Variants in RBM6 observed in about 807,000 individuals in gnomAD.
RBM6 encodes the protein RNA-binding protein 6.
A neutral mutation model predicts 140.4 loss-of-function variants in RBM6; 23 were observed. That is an observed-to-expected ratio of 0.16 (90% CI 0.12 to 0.23). The LOEUF is 0.23. Among genes scored for constraint, RBM6 ranks in the 10% least tolerant of loss-of-function variants. The pLI, the probability that RBM6 is intolerant of heterozygous loss-of-function variation, is 1.00. For synonymous variants in RBM6, 439 were observed against 475.6 expected (o/e 0.92, Z 1.00); for missense variants, 1,139 against 1,386.7 (o/e 0.82, Z 2.84).
At chr3:50,063,381 T>A (rs1001875537) in intron 15 of RBM6, among the ~76,000 whole-genome samples, 1 of 149,616 alleles carries the variant, frequency 6.7e-6, no homozygotes, top group Admixed American at 6.7e-5. Flanking sequence ...CCAAGACAGG[T>A]GGATGCCTGA....
Position 49,967,627 on chromosome 3 carries a change from G to A in RBM6, c.202G>A (p.Val68Ile). 6.2e-7 allele frequency: 1 copy of A among 1,614,128 alleles called. No homozygotes were observed. The highest frequency in any genetic ancestry group is 1.6e-4 in the Middle Eastern group (1 of 6,062). Residue 68 changes from valine to isoleucine, a missense_variant, in exon 3 of 21, where the codon GTA becomes ATA. Physicochemically the swap from Val to Ile is conservative, Grantham distance 29 (BLOSUM62 3). Transcript: ENST00000266022. The surrounding 1 kb of genome is among the most constrained non-coding windows in gnomAD (Gnocchi z 4.0). ...GCATTCGGGGCCTCCTTTTGCAAAT[G>A]TAGAGGAGCATTCTTTCAGCTATGG... The part of the protein sequence containing the change: ...QGHSGPPFAN[V>I]EEHSFSYGAR...
chr3:49,964,296 T>C (rs1047320196), intron 2 of RBM6, among the ~76,000 whole-genome samples: 4 of 152,146 alleles, frequency 2.6e-5, no homozygotes, highest in Non-Finnish European at 5.9e-5. Context: ...AATGAAAAAT[T>C]TAGGTGGAGA....
At chr3:49,982,221 T>C (rs2085334790) in intron 5 of RBM6, among the ~76,000 whole-genome samples, 1 of 151,686 alleles carries the variant, frequency 6.6e-6, no homozygotes, top group East Asian at 1.9e-4. Flanking sequence ...GAAAGTGACG[T>C]TGTAGCAAAG....
At chr3:50,065,212 C>G (rs1255854657) in intron 16 of RBM6, 86 bp downstream of exon 16, 2 of 980,372 alleles carry the variant, frequency 2.0e-6, no homozygotes, top group Non-Finnish European at 3.1e-6. Context: ...CTGATGCCTT[C>G]CTCTGGTGTT....
chr3:49,991,596 A>G (rs1217593913), intron 5 of RBM6, among the ~76,000 whole-genome samples: 1 of 152,166 alleles, frequency 6.6e-6, no homozygotes, highest in East Asian at 1.9e-4. Context: ...GGACAGACCA[A>G]GTATCTTTCT....
At chr3:50,017,663 C>G in intron 6 of RBM6, among the ~76,000 whole-genome samples, 1 of 151,850 alleles carries the variant, frequency 6.6e-6, no homozygotes, top group Admixed American at 6.6e-5. Context: ...GTTCTTTGTA[C>G]ATTTTGGATA....
At chr3:50,031,677 T>C (rs2088174611) in intron 6 of RBM6, among the ~76,000 whole-genome samples, 1 of 152,008 alleles carries the variant, frequency 6.6e-6, no homozygotes, top group African/African-American at 2.4e-5. Flanking sequence ...CATGTATACA[T>C]GTGTAACAAA....
At chr3:49,949,690 T>C (rs1160576605) in intron 1 of RBM6, among the ~76,000 whole-genome samples, 1 of 152,124 alleles carries the variant, frequency 6.6e-6, no homozygotes, top group Non-Finnish European at 1.5e-5. Flanking sequence ...ATTTTTTGTA[T>C]TTTTAGTGGA....
At position 49,968,770 on chromosome 3, in the gene RBM6, C is replaced by CTTTTTTTTTT. The variant is rs569224640; in HGVS notation, c.1323+41_1323+50dup. 9.1e-5 allele frequency: 64 copies of CTTTTTTTTTT among 700,118 alleles called. 9 individuals carry two copies. In the African/African-American group the frequency reaches 1.8e-3, roughly 20 times the overall value. The allele number at this position is 700,118 out of a possible 1,614,324, so 43.4% of individuals were successfully genotyped here. On this transcript the variant is annotated intron_variant, in intron 3 of 20. Transcript: ENST00000266022. ...TCAGGTATGTTGATGGGGTGGATTGCTTTTTTTTTTTTTTTTTTTTTTTTT... is the reference window on the plus strand; with the variant it reads ...TCAGGTATGTTGATGGGGTGGATTGCTTTTTTTTTTTTTTTTTTTTTTTTTTTTTTTTTTT...
chr3:49,970,789 A>G (rs561759442), intron 3 of RBM6, among the ~76,000 whole-genome samples: 231 of 152,076 alleles, frequency 1.5e-3, no homozygotes, highest in Admixed American at 3.2e-3. Flanking sequence ...GAGGCCAGGA[A>G]CTTGAGACCA....
At position 50,004,564 on chromosome 3, in the gene RBM6, C is replaced by T. The variant is rs143068154; in HGVS notation, c.1557+5051C>T. ...CTGGACTCAAGCAATTTACCTATCT[C>T]GGCCTCCCAAAGCACTGGGATTCCA... On this transcript the variant is annotated intron_variant, in intron 6 of 20. Transcript: ENST00000266022. 1.0e-4 allele frequency among the ~76,000 whole-genome samples: 15 copies of T among 149,994 alleles called. No homozygotes were observed. In the East Asian group the frequency reaches 2.7e-3, roughly 27 times the overall value.
At position 50,065,013 on chromosome 3, in the gene RBM6, T is replaced by C. The variant is rs115669815; in HGVS notation, c.2587-18T>C. 0.063 allele frequency: 99,668 copies of C among 1,591,900 alleles called. 3,573 individuals are homozygous for C. The highest frequency in any genetic ancestry group is 0.1 in the South Asian group (9,201 of 90,414). ...TTATGAGTGAATATCATGTGAGAGT[T>C]ACCTCTGGTTTGATCAGTTTCAGGA... On this transcript the variant is annotated intron_variant, in intron 15 of 20. Coordinates refer to ENST00000266022, the MANE Select transcript of RBM6 (RefSeq NM_005777.3).
At position 49,968,758 on chromosome 3, in the gene RBM6, T is replaced by C; in HGVS notation, c.1323+10T>C. ...CCAACGGGACCTTCAGGTATGTTGA[T>C]GGGGTGGATTGCTTTTTTTTTTTTT... On this transcript the variant is annotated intron_variant, in intron 3 of 20. Transcript: ENST00000266022. 8.4e-7 allele frequency: 1 copy of C among 1,193,672 alleles called. No individual in the cohort carries two copies. Among genetic ancestry groups the C allele is most frequent in the Non-Finnish European group, 1.2e-6 (1 of 855,302 alleles). 73.9% of individuals were successfully genotyped at this position (1,193,672 alleles called of 1,614,324 possible).
intron 6 of RBM6, among the ~76,000 whole-genome samples, chr3:50,010,440 G>A (rs965491484): frequency 1.5e-4 from 23 of 152,040 alleles, no homozygotes; most frequent in Admixed American, 7.2e-4. Flanking sequence ...ATTGATACAG[G>A]GTCTCTTTTT....
intron 5 of RBM6, among the ~76,000 whole-genome samples, chr3:49,982,262 C>CTTTTCTTTTTT (rs2085338846): frequency 1.5e-5 from 1 of 68,426 alleles, no homozygotes; most frequent in African/African-American, 6.0e-5. Flanking sequence ...CTTTTCTTTT[C>CTTTTCTTTTTT]TTTTTTTTTT....
chr3:50,015,416 T>TTTATTATTA (rs1371889339), intron 6 of RBM6, among the ~76,000 whole-genome samples: 6 of 144,476 alleles, frequency 4.2e-5, no homozygotes, highest in South Asian at 2.2e-4. Flanking sequence ...AAATTTTTAT[T>TTTATTATTA]TTATTATTAT....
At chr3:50,013,790 C>T (rs1340158242) in intron 6 of RBM6, among the ~76,000 whole-genome samples, 1 of 152,212 alleles carries the variant, frequency 6.6e-6, no homozygotes, top group Non-Finnish European at 1.5e-5. Context: ...AGCAAACTTT[C>T]CTGAGTGGCC....
intron 6 of RBM6, among the ~76,000 whole-genome samples, chr3:50,032,387 G>C (rs1436224809): frequency 6.6e-6 from 1 of 151,824 alleles, no homozygotes; most frequent in Non-Finnish European, 1.5e-5. Flanking sequence ...AGGAGGCTGA[G>C]GCAGGAGAAT....
intron 6 of RBM6, among the ~76,000 whole-genome samples, chr3:50,017,617 A>G (rs1201656593): frequency 6.6e-6 from 1 of 151,374 alleles, no homozygotes; most frequent in African/African-American, 2.4e-5. Context: ...CCCATTTTTT[A>G]ATAGGGTTAT....
Sources: allele counts gnomAD v4.1 joint callset (sites outside exome capture counted in the v4.1 genomes callset), GRCh38; gene constraint gnomAD v4.1.1; non-coding constraint Gnocchi (gnomAD v3.1); transcripts MANE v1.5; gene names NCBI Gene and HGNC (gene_info 2026-07-23, HGNC 2026-07-21).